Variants in RAD23B observed in about 807,000 individuals in gnomAD.
RAD23B encodes lysine-specific demethylase RAD23B.
Under a neutral mutation model 49.1 loss-of-function variants are expected in RAD23B, and 5 were observed. The observed-to-expected ratio is 0.10, with a 90% confidence interval of 0.05 to 0.21. RAD23B has a LOEUF of 0.21. Ranked by LOEUF, RAD23B falls within the 10% of genes least tolerant of loss-of-function variation. The pLI, the probability that RAD23B is intolerant of heterozygous loss-of-function variation, is 1.00. For missense variants in RAD23B, 356 were observed against 486.7 expected, an observed-to-expected ratio of 0.73 and a Z score of 2.53; for synonymous variants, 184 against 165.4, an observed-to-expected ratio of 1.11 and a Z score of -0.86.
intron 7 of RAD23B, among the ~76,000 whole-genome samples, chr9:107,323,338 T>C (rs1005953963): frequency 2.6e-5 from 4 of 152,206 alleles, no homozygotes; most frequent in African/African-American, 9.6e-5. Flanking sequence ...TAACCGGAAG[T>C]CTTCCTTAAT....
chr9:107,302,944 C>T (rs1362159214), intron 3 of RAD23B, among the ~76,000 whole-genome samples: 1 of 152,094 alleles, frequency 6.6e-6, no homozygotes, highest in East Asian at 1.9e-4. Flanking sequence ...GCGTGAGCCA[C>T]CGCGCCCAGC....
chr9:107,325,007 G>A lies in RAD23B; in HGVS notation c.1116+3G>A. On this transcript the variant is annotated splice_donor_region_variant and intron_variant, in intron 9 of 9. Coordinates refer to ENST00000358015, the MANE Select transcript of RAD23B (RefSeq NM_002874.5). ...AGGAAAAAGAAGCTATAGAAAGGGT[G>A]AGTTTAAGTAAAACTTTAAAAAAAT... 1 of 1,612,056 alleles carries A rather than the reference G, an allele frequency of 6.2e-7. No individual in the cohort carries two copies. Among genetic ancestry groups the A allele is most frequent in the South Asian group, 1.1e-5 (1 of 90,994 alleles).
intron 4 of RAD23B, 115 bp from the exon 5 acceptor site, chr9:107,311,567 T>A: frequency 1.4e-6 from 1 of 718,452 alleles, no homozygotes; most frequent in Non-Finnish European, 2.2e-6. Flanking sequence ...GTAGTCAGAC[T>A]TTTATATTTA....
At position 107,329,704 on chromosome 9, in the gene RAD23B, C is replaced by T; in HGVS notation, c.*48C>T. On this transcript the variant is annotated 3_prime_UTR_variant, in exon 10 of 10. Coordinates refer to ENST00000358015, the MANE Select transcript of RAD23B (RefSeq NM_002874.5). Reference sequence around the variant, plus strand: ...ACTTCACACCAGTGCATTACACTAACTTGTTCACTGGATTGTCTGGGATGA... The same window carrying T: ...ACTTCACACCAGTGCATTACACTAATTTGTTCACTGGATTGTCTGGGATGA... The T allele has an allele frequency of 9.1e-7, 1 of 1,096,090 alleles. No individual in the cohort carries two copies. The highest frequency in any genetic ancestry group is 1.3e-6 in the Non-Finnish European group (1 of 771,770). The allele number at this position is 1,096,090 out of a possible 1,614,324, so 67.9% of individuals were successfully genotyped here.
chr9:107,316,713 A>G (rs139875932), intron 5 of RAD23B, among the ~76,000 whole-genome samples: 145 of 152,214 alleles, frequency 9.5e-4, no homozygotes, highest in Middle Eastern at 3.4e-3. Flanking sequence ...AAAATTATTC[A>G]ACAGATACTC....
intron 4 of RAD23B, among the ~76,000 whole-genome samples, chr9:107,310,018 T>C (rs1826860830): frequency 6.6e-6 from 1 of 151,770 alleles, no homozygotes; most frequent in South Asian, 2.1e-4. Context: ...AAATGTATTA[T>C]ACAGTAATGA....
rs1827035055 is a variant in RAD23B at position 107,318,290 on chromosome 9, G to T, written c.554-462G>T. On this transcript the variant is annotated intron_variant, in intron 5 of 9. Transcript: ENST00000358015. The surrounding 1 kb of genome is among the most constrained non-coding windows in gnomAD (Gnocchi z 4.3). The stretch of plus-strand genomic sequence containing the variant: ...GGGGAAGAATTTTTTTCCTGATCCT[G>T]TCCTACCATACCTTGGCTGGTAGCC... Among the ~76,000 whole-genome samples, 1 of 152,056 alleles carries T rather than the reference G, an allele frequency of 6.6e-6. No homozygotes were observed. The highest frequency in any genetic ancestry group is 2.1e-4 in the South Asian group (1 of 4,810).
At chr9:107,284,708 T>G (rs1833239444) in intron 1 of RAD23B, 1 of 1,123,624 alleles carries the variant, frequency 8.9e-7, no homozygotes, top group African/African-American at 1.6e-5. Flanking sequence ...ATACTAAGTT[T>G]AAACCAGCAG....
chr9:107,309,667 C>T (rs539671556), intron 4 of RAD23B, among the ~76,000 whole-genome samples: 46 of 152,182 alleles, frequency 3.0e-4, no homozygotes, highest in Admixed American at 1.4e-3. Context: ...CGTGGTGGCT[C>T]ACGCCTGTAA....
intron 5 of RAD23B, among the ~76,000 whole-genome samples, chr9:107,315,725 G>A (rs112076380): frequency 0.022 from 3,337 of 152,052 alleles, 115 homozygotes; most frequent in African/African-American, 0.074. Context: ...TGTTGGCCAG[G>A]CTGGTCTCGA....
intron 5 of RAD23B, among the ~76,000 whole-genome samples, chr9:107,312,057 G>T (rs1043312641): frequency 1.3e-5 from 2 of 152,178 alleles, no homozygotes; most frequent in Non-Finnish European, 2.9e-5. Context: ...TTTGAAATGG[G>T]TATGAAATTT....
chr9:107,306,716 T>G, intron 4 of RAD23B, 69 bp downstream of exon 4: 1 of 1,501,676 alleles, frequency 6.7e-7, no homozygotes, highest in South Asian at 1.3e-5. Flanking sequence ...GCATTTATTT[T>G]GATTATTGTT....
intron 4 of RAD23B, among the ~76,000 whole-genome samples, chr9:107,308,164 A>T (rs746300313): frequency 6.6e-6 from 1 of 151,312 alleles, no homozygotes; most frequent in Non-Finnish European, 1.5e-5. Context: ...GAGTTGATCA[A>T]TACATTTTAA....
intron 8 of RAD23B, 114 bp from the exon 9 acceptor site, chr9:107,324,720 A>G (rs996372734): frequency 1.8e-6 from 2 of 1,084,864 alleles, no homozygotes; most frequent in African/African-American, 1.6e-5. Context: ...CAGAATCACT[A>G]AATTACGTTT....
intron 1 of RAD23B, among the ~76,000 whole-genome samples, chr9:107,286,038 A>G (rs1233923182): frequency 6.6e-6 from 1 of 152,250 alleles, no homozygotes; most frequent in Non-Finnish European, 1.5e-5. Flanking sequence ...AACCAAGGAT[A>G]TTAGAAATAG....
Position 107,322,103 on chromosome 9 carries a change from A to G in RAD23B, c.802A>G (p.Thr268Ala). 1 of 1,608,128 alleles carries G rather than the reference A, an allele frequency of 6.2e-7. No homozygotes were observed. Among genetic ancestry groups the G allele is most frequent in the Non-Finnish European group, 8.5e-7 (1 of 1,177,234 alleles). Residue 268 changes from threonine to alanine, a missense_variant, in exon 7 of 10, where the codon ACA becomes GCA. Thr to Ala is a moderately conservative substitution (Grantham distance 58, BLOSUM62 0). This residue lies in a region of RAD23B where 148 missense variants were observed against 231.7 expected (regional missense o/e 0.64). Transcript: ENST00000358015. ...AGCAACTACGACAGCAACAACTACAACAACAAGTTCTGGAGGTAAAGCGGA... is the reference window on the plus strand; with the variant it reads ...AGCAACTACGACAGCAACAACTACAGCAACAAGTTCTGGAGGTAAAGCGGA... ...AAATTTATTT[T>A]TSSGGHPLEF...
intron 5 of RAD23B, among the ~76,000 whole-genome samples, chr9:107,315,508 TTTTTGTTTTG>T (rs970007692): frequency 1.3e-5 from 2 of 152,102 alleles, no homozygotes; most frequent in South Asian, 2.1e-4. Flanking sequence ...GTTTTTGTTT[TTTTTGTTTTG>T]TTTTGTTTTG....
chr9:107,283,921 C>G (rs1472270774), intron 1 of RAD23B: 1 of 1,021,644 alleles, frequency 9.8e-7, no homozygotes, highest in Admixed American at 4.8e-5. Flanking sequence ...ACGCCGAAGG[C>G]CTGGTGGCAG....
At chr9:107,314,828 C>T (rs1332340474) in intron 5 of RAD23B, among the ~76,000 whole-genome samples, 1 of 152,110 alleles carries the variant, frequency 6.6e-6, no homozygotes, top group Non-Finnish European at 1.5e-5. Flanking sequence ...ACATCCTTGC[C>T]CAACATCTGG....
Sources: allele counts gnomAD v4.1 joint callset (sites outside exome capture counted in the v4.1 genomes callset), GRCh38; gene constraint gnomAD v4.1.1; regional missense constraint gnomAD v4.1.1; non-coding constraint Gnocchi (gnomAD v3.1); transcripts MANE v1.5; gene names NCBI Gene and HGNC (gene_info 2026-07-23, HGNC 2026-07-21).